Variants in MAN1C1 observed in about 807,000 individuals in gnomAD.
The protein encoded by MAN1C1 is mannosyl-oligosaccharide 1,2-alpha-mannosidase IC.
A neutral mutation model predicts 71.5 loss-of-function variants in MAN1C1; 49 were observed. The observed-to-expected ratio is 0.69, with a 90% CI of 0.54 to 0.87. The LOEUF (loss-of-function observed/expected upper bound fraction) is 0.87, where lower values mean the gene tolerates loss of function less well. Among genes scored for constraint, MAN1C1 ranks in the 40% least tolerant of loss-of-function variants. MAN1C1 has a pLI of 0.00. For missense variants in MAN1C1, 743 were observed against 835.0 expected (o/e 0.89, Z 1.36); for synonymous variants, 352 against 343.7 (o/e 1.02, Z -0.27).
chr1:25,773,501 A>T (rs1262708890), intron 8 of MAN1C1, among the ~76,000 whole-genome samples: 1 of 152,188 alleles, frequency 6.6e-6, no homozygotes, highest in Admixed American at 6.5e-5. Context: ...GTCCCATCTC[A>T]GTCTGGGTCC....
At position 25,686,555 on chromosome 1, in the gene MAN1C1, C is replaced by T. The variant is rs2046234204; in HGVS notation, c.637+19C>T. On this transcript the variant is annotated intron_variant, in intron 2 of 11. Transcript: ENST00000374332. ...ATGTTCGGTGAGTCGATTCAAACCA[C>T]TTTGATATTGGGAGGGACCCACCGC... 1 of 1,608,466 alleles carries T rather than the reference C, an allele frequency of 6.2e-7. No homozygotes were observed. The highest frequency in any genetic ancestry group is 1.3e-5 in the African/African-American group (1 of 74,918).
Position 25,618,457 on chromosome 1 carries a change from C to T in MAN1C1, c.540+120C>T, listed in dbSNP as rs1441037244. The T allele has an allele frequency of 5.2e-6, 5 of 960,232 alleles. No individual in the cohort carries two copies. In the South Asian group the frequency reaches 7.9e-5, roughly 15 times the overall value. The allele number at this position is 960,232 out of a possible 1,614,324, so 59.5% of individuals were successfully genotyped here. On this transcript the variant is annotated intron_variant, in intron 1 of 11. Transcript: ENST00000374332. Reference sequence around the variant, plus strand: ...CTCCTGGTCCCAGGTCTACTTCTGGCCCTGCAGACTGCACTTTGCACCTTC... The same window carrying T: ...CTCCTGGTCCCAGGTCTACTTCTGGTCCTGCAGACTGCACTTTGCACCTTC...
At chr1:25,685,164 A>G (rs1470575955) in intron 1 of MAN1C1, among the ~76,000 whole-genome samples, 1 of 152,050 alleles carries the variant, frequency 6.6e-6, no homozygotes. Flanking sequence ...TTCCCACTAC[A>G]CTCTTTCATT....
In MAN1C1 at chr1:25,669,178, G is replaced by A. The variant is rs2045963261; in HGVS notation, c.541-17262G>A. Among the ~76,000 whole-genome samples the A allele has an allele frequency of 1.3e-5, 2 of 152,284 alleles. 1 individual carries two copies. ...CCACTGACGGGAGCTGCCGTTTCCT[G>A]TAGCTGGTTTACAGGCCCCAGCAGG... On this transcript the variant is annotated intron_variant, in intron 1 of 11. Coordinates refer to ENST00000374332, the MANE Select transcript of MAN1C1 (RefSeq NM_020379.4).
chr1:25,699,814 C>T (rs1056988250), intron 2 of MAN1C1, among the ~76,000 whole-genome samples: 1 of 152,192 alleles, frequency 6.6e-6, no homozygotes, highest in African/African-American at 2.4e-5. Context: ...GCCCCACAGC[C>T]AGTGGAGACT....
At chr1:25,731,700 G>A (rs2046911957) in intron 2 of MAN1C1, among the ~76,000 whole-genome samples, 1 of 152,062 alleles carries the variant, frequency 6.6e-6, no homozygotes, top group Admixed American at 6.5e-5. Flanking sequence ...GTGAGGTTCT[G>A]GAAGGGGCCT....
chr1:25,728,220 G>A (rs113370552), intron 2 of MAN1C1, among the ~76,000 whole-genome samples: 152 of 152,262 alleles, frequency 1.0e-3, no homozygotes, highest in Non-Finnish European at 1.6e-3. Flanking sequence ...GAGCTTCTCC[G>A]GGCCTTAGCT....
At chr1:25,723,586 T>A (rs2046795108) in intron 2 of MAN1C1, among the ~76,000 whole-genome samples, 1 of 152,186 alleles carries the variant, frequency 6.6e-6, no homozygotes, top group African/African-American at 2.4e-5. Context: ...ATTTAAAAAA[T>A]TATACCGTTG....
At chr1:25,704,095 A>G (rs192215366) in intron 2 of MAN1C1, among the ~76,000 whole-genome samples, 1 of 152,230 alleles carries the variant, frequency 6.6e-6, no homozygotes, top group African/African-American at 2.4e-5. Flanking sequence ...TCCCTGATCA[A>G]TAGCAACCAG....
chr1:25,677,830 C>G (rs2046090712), intron 1 of MAN1C1, among the ~76,000 whole-genome samples: 1 of 147,448 alleles, frequency 6.8e-6, no homozygotes, highest in East Asian at 2.0e-4. Context: ...CTCTGACTCC[C>G]TGCTGTAAAG....
intron 1 of MAN1C1, among the ~76,000 whole-genome samples, chr1:25,673,201 G>A (rs569523149): frequency 1.3e-5 from 2 of 152,310 alleles, no homozygotes; most frequent in South Asian, 2.1e-4. Flanking sequence ...CAGGGAAGAC[G>A]ATGAATGGGA....
intron 2 of MAN1C1, among the ~76,000 whole-genome samples, chr1:25,728,054 G>A (rs1391741678): frequency 1.3e-5 from 2 of 152,224 alleles, no homozygotes; most frequent in African/African-American, 2.4e-5. Context: ...ACTGCTTCCC[G>A]GGGCAGCTTC....
intron 1 of MAN1C1, among the ~76,000 whole-genome samples, chr1:25,641,503 T>C (rs1304232092): frequency 2.0e-5 from 3 of 152,222 alleles, no homozygotes; most frequent in Non-Finnish European, 4.4e-5. Context: ...AGAACCGGTC[T>C]TGTGAATCTT....
chr1:25,728,417 T>C (rs1269700336), intron 2 of MAN1C1, among the ~76,000 whole-genome samples: 2 of 152,166 alleles, frequency 1.3e-5, no homozygotes, highest in East Asian at 3.8e-4. Flanking sequence ...AGAAACAGGC[T>C]CAGGGAGGTG....
At chr1:25,767,220 T>TACACACAC (rs933078592) in intron 7 of MAN1C1, among the ~76,000 whole-genome samples, 2 of 79,086 alleles carry the variant, frequency 2.5e-5, no homozygotes, top group African/African-American at 1.3e-4. Context: ...CACTCCCCCA[T>TACACACAC]ACACACACAC....
Position 25,749,323 on chromosome 1 carries a change from G to A in MAN1C1, c.822G>A (p.Leu274=). The A allele has an allele frequency of 6.2e-7, 1 of 1,610,998 alleles. No individual in the cohort carries two copies. The highest frequency in any genetic ancestry group is 8.5e-7 in the Non-Finnish European group (1 of 1,178,336). Residue 274 remains leucine (L), a synonymous_variant, in exon 4 of 12, where the codon CTG becomes CTA. Transcript: ENST00000374332. ...YIGGLLSAFY[L]TGEEVFRIKA... ...GGGGACTCCTCTCAGCCTTCTACCT[G>A]ACAGGAGAAGAGGTGGGTTGGCCTT...
chr1:25,781,003 T>C lies in MAN1C1; in HGVS notation c.1541T>C (p.Leu514Pro). 2 of 1,614,170 alleles carry C rather than the reference T, an allele frequency of 1.2e-6. No individual in the cohort carries two copies. The highest frequency in any genetic ancestry group is 8.5e-7 in the Non-Finnish European group (1 of 1,180,026). Residue 514 changes from leucine to proline, a missense_variant, in exon 10 of 12, where the codon CTG becomes CCG. By Grantham distance (98) the Leu-to-Pro change is moderately conservative. Coordinates refer to ENST00000374332, the MANE Select transcript of MAN1C1 (RefSeq NM_020379.4). ...GGCAGAGAGGCCGTGGCCACCCAGC[T>C]GAGCGAGAGCTACTACATCCTCCGG... The part of the protein sequence containing the change: ...NSGREAVATQ[L>P]SESYYILRPE...
At chr1:25,696,243 G>A (rs539283520) in intron 2 of MAN1C1, among the ~76,000 whole-genome samples, 1 of 152,290 alleles carries the variant, frequency 6.6e-6, no homozygotes, top group South Asian at 2.1e-4. Flanking sequence ...CAAACCCTGT[G>A]ACAAATAGGT....
At position 25,782,552 on chromosome 1, in the gene MAN1C1, G is replaced by A. The variant is rs2047709375; in HGVS notation, c.1651-33G>A. 1.3e-6 allele frequency: 2 copies of A among 1,485,734 alleles called. No individual in the cohort carries two copies. The highest frequency in any genetic ancestry group is 2.3e-5 in the East Asian group (1 of 44,298). 92.0% of individuals were successfully genotyped at this position (1,485,734 alleles called of 1,614,324 possible). A position where few individuals can be genotyped will look rare whatever the true frequency, so the allele number is the denominator to read the frequency against. ...AGGGGCCTTTCCTGTCCCGTGTTAAGGCTGTTTTCCTCCTCCTCTTCCCCT... is the reference window on the plus strand; with the variant it reads ...AGGGGCCTTTCCTGTCCCGTGTTAAAGCTGTTTTCCTCCTCCTCTTCCCCT... On this transcript the variant is annotated intron_variant, in intron 10 of 11. Coordinates refer to ENST00000374332, the MANE Select transcript of MAN1C1 (RefSeq NM_020379.4). The surrounding 1 kb of genome is among the most constrained non-coding windows in gnomAD (Gnocchi z 4.4).
Sources: gnomAD v4.1 joint callset for allele counts (sites outside exome capture counted in the v4.1 genomes callset) on GRCh38, gnomAD v4.1.1 for gene constraint, Gnocchi (gnomAD v3.1) non-coding constraint, MANE v1.5 for transcripts, NCBI Gene and HGNC (gene_info 2026-07-23, HGNC 2026-07-21) for gene names.